The following EHF variants were observed in gnomAD, a reference collection of about 807,000 sequenced individuals.
EHF encodes ETS homologous factor.
Under a neutral mutation model 45.1 loss-of-function variants are expected in EHF, and 14 were observed. The observed-to-expected ratio is 0.31, with a 90% CI of 0.21 to 0.49. The LOEUF is 0.49. Among genes scored for constraint, EHF ranks in the 20% least tolerant of loss-of-function variants. EHF has a pLI of 0.99. For missense variants in EHF, 282 were observed against 371.4 expected, an observed-to-expected ratio of 0.76 and a Z score of 1.98; for synonymous variants, 136 against 131.8, an observed-to-expected ratio of 1.03 and a Z score of -0.22.
intron 6 of EHF, 46 bp from the exon 7 acceptor site, chr11:34,656,862 A>G (rs764497022): frequency 1.9e-6 from 3 of 1,595,716 alleles, no homozygotes; most frequent in Non-Finnish European, 2.6e-6. Flanking sequence ...AAAAAAGAGA[A>G]TTATAGGAAA....
intron 7 of EHF, among the ~76,000 whole-genome samples, chr11:34,658,003 C>T (rs1366231641): frequency 6.6e-6 from 1 of 151,828 alleles, no homozygotes; most frequent in East Asian, 1.9e-4. Flanking sequence ...TCCTCCAGTC[C>T]CTGCGTGACC....
At chr11:34,633,075 G>A (rs1168867127) in intron 1 of EHF, among the ~76,000 whole-genome samples, 1 of 152,180 alleles carries the variant, frequency 6.6e-6, no homozygotes, top group African/African-American at 2.4e-5. Flanking sequence ...GGCTTGGCCA[G>A]CCTTGAGATG....
chr11:34,622,232 C>T (rs955130407), intron 1 of EHF: 2 of 244,934 alleles, frequency 8.2e-6, no homozygotes, highest in South Asian at 4.8e-5. Flanking sequence ...GCTGATTTAC[C>T]ATGCTCCCAG....
At chr11:34,643,675 G>C (rs979705142) in intron 2 of EHF, among the ~76,000 whole-genome samples, 1 of 152,200 alleles carries the variant, frequency 6.6e-6, no homozygotes, top group Non-Finnish European at 1.5e-5. Flanking sequence ...GGGTGAGCAG[G>C]TGAGCTTCCC....
intron 2 of EHF, among the ~76,000 whole-genome samples, chr11:34,645,000 G>A (rs1854375007): frequency 6.6e-6 from 1 of 152,178 alleles, no homozygotes. Context: ...GAATTTGTTG[G>A]AATATCCATG....
chr11:34,656,938 AC>A lies in EHF; in HGVS notation c.581del (p.Pro194LeufsTer25). 1 of 1,613,448 alleles carries A rather than the reference AC, an allele frequency of 6.2e-7. No individual in the cohort carries two copies. The highest frequency in any genetic ancestry group is 8.5e-7 in the Non-Finnish European group (1 of 1,179,730). On this transcript the variant is annotated frameshift_variant, in exon 7 of 9. Transcript: ENST00000257831. LOFTEE classifies it high-confidence loss of function. ...AESPDMKKEQ[D>X]PPAKCHTKKH... ...TCACCTGATATGAAAAAGGAGCAAG[AC>A]CCCCCTGCCAAGTGCCACACCAAAA...
rs1324850676 is a variant in EHF, at chr11:34,646,058, GTGTGTGTGTA to G, written c.98-377_98-368del. On this transcript the variant is annotated intron_variant, in intron 2 of 8. Coordinates refer to ENST00000257831, the MANE Select transcript of EHF (RefSeq NM_012153.6). ...TGTGTGTGTGTGTGTGTGTGTGTGT[GTGTGTGTGTA>G]TGTATAAGAGAGAAAAAATGAGAGA... Among the ~76,000 whole-genome samples the G allele has an allele frequency of 3.2e-3, 485 of 149,742 alleles. 1 individual carries two copies. The highest frequency in any genetic ancestry group is 0.012 in the African/African-American group (465 of 39,514).
At chr11:34,648,979 A>G (rs1027469585) in intron 3 of EHF, 40 bp from the exon 4 acceptor site, 9 of 1,598,482 alleles carry the variant, frequency 5.6e-6, no homozygotes, top group Non-Finnish European at 7.7e-6. Context: ...TTCTGGCTCC[A>G]TCTGGGCCCT....
chr11:34,650,124 C>G (rs1236012433), intron 4 of EHF, among the ~76,000 whole-genome samples: 1 of 152,142 alleles, frequency 6.6e-6, no homozygotes, highest in South Asian at 2.1e-4. Context: ...GATGGCACCC[C>G]CTCCCCTGCT....
chr11:34,649,448 A>T (rs1192186250), intron 4 of EHF, among the ~76,000 whole-genome samples: 1 of 152,090 alleles, frequency 6.6e-6, no homozygotes, highest in Non-Finnish European at 1.5e-5. Flanking sequence ...GGAAGGGGCA[A>T]TGTCTCCTCT....
At chr11:34,629,859 G>GT (rs5791006) in intron 1 of EHF, among the ~76,000 whole-genome samples, 17 of 151,194 alleles carry the variant, frequency 1.1e-4, no homozygotes, top group South Asian at 4.2e-4. Context: ...ATTTCCCAAG[G>GT]TTTTTTTTTT....
chr11:34,622,374 C>G (rs1326533064), intron 1 of EHF: 1 of 1,277,724 alleles, frequency 7.8e-7, no homozygotes, highest in Admixed American at 2.3e-5. Flanking sequence ...CAAGAACTTA[C>G]TGATGGAAGT....
At chr11:34,638,991 G>A (rs1853723036) in intron 1 of EHF, among the ~76,000 whole-genome samples, 1 of 152,150 alleles carries the variant, frequency 6.6e-6, no homozygotes, top group Non-Finnish European at 1.5e-5. Context: ...TGTTTGCCAG[G>A]GGCTAGACAA....
intron 1 of EHF, among the ~76,000 whole-genome samples, chr11:34,635,844 A>G (rs1853350713): frequency 6.6e-6 from 1 of 152,088 alleles, no homozygotes; most frequent in East Asian, 1.9e-4. Flanking sequence ...GAAGAGGGAC[A>G]GGAGGGATGG....
intron 1 of EHF, among the ~76,000 whole-genome samples, chr11:34,641,694 G>C (rs1228449121): frequency 6.6e-6 from 1 of 152,186 alleles, no homozygotes; most frequent in Admixed American, 6.5e-5. Context: ...TTAAATGACT[G>C]AACACACGGT....
At chr11:34,652,463 G>A (rs1254997470) in intron 6 of EHF, among the ~76,000 whole-genome samples, 1 of 152,224 alleles carries the variant, frequency 6.6e-6, no homozygotes, top group African/African-American at 2.4e-5. Context: ...AGTTTGGGAT[G>A]TTGGGAGTCT....
intron 1 of EHF, among the ~76,000 whole-genome samples, chr11:34,621,878 G>A (rs1005455843): frequency 6.6e-6 from 1 of 152,210 alleles, no homozygotes; most frequent in Non-Finnish European, 1.5e-5. Context: ...GGGCTTCACT[G>A]TATAACAAGG....
chr11:34,640,153 ACAGATTTGG>A (rs765707141), intron 1 of EHF, among the ~76,000 whole-genome samples: 6 of 152,042 alleles, frequency 3.9e-5, no homozygotes, highest in Non-Finnish European at 8.8e-5. Flanking sequence ...TTGCGGCTAG[ACAGATTTGG>A]CACTGGTTCA....
At position 34,660,639 on chromosome 11, in the gene EHF, G is replaced by C. The variant is rs1856023388; in HGVS notation, c.*1708G>C. 1 of 152,114 alleles carries C rather than the reference G, an allele frequency of 6.6e-6. No individual in the cohort carries two copies. Among genetic ancestry groups the C allele is most frequent in the Non-Finnish European group, 1.5e-5 (1 of 68,002 alleles). The allele number at this position is 152,114 out of a possible 1,614,324, so 9.4% of individuals were successfully genotyped here. ...AAGTAGACACTTTGAAAATGGATTT[G>C]AATGTTCTCATCCCTTTTGCAGCTT... On this transcript the variant is annotated 3_prime_UTR_variant, in exon 9 of 9. Transcript: ENST00000257831.
Sources: allele counts gnomAD v4.1 joint callset (sites outside exome capture counted in the v4.1 genomes callset), GRCh38; gene constraint gnomAD v4.1.1; transcripts MANE v1.5; gene names NCBI Gene and HGNC (gene_info 2026-07-23, HGNC 2026-07-21).